PIK3C3: variants seen among roughly 807,000 people sequenced by gnomAD.
PIK3C3 encodes PI3-kinase type 3.
Under a neutral mutation model 126.1 loss-of-function variants are expected in PIK3C3, and 95 were observed. The observed-to-expected ratio is 0.75, with a 90% CI of 0.64 to 0.89. PIK3C3 has a LOEUF of 0.89. PIK3C3 is among the 40% of genes least tolerant of loss of function. The pLI, the probability that PIK3C3 is intolerant of heterozygous loss-of-function variation, is 0.00. For synonymous variants in PIK3C3, 374 were observed against 360.0 expected, an observed-to-expected ratio of 1.04 and a Z score of -0.44; for missense variants, 829 against 1,063.2, an observed-to-expected ratio of 0.78 and a Z score of 3.06.
At chr18:41,957,792 A>T (rs1434886824) in intron 2 of PIK3C3, 34 bp downstream of exon 2, 1 of 1,513,746 alleles carries the variant, frequency 6.6e-7, no homozygotes, top group Non-Finnish European at 9.0e-7. Flanking sequence ...TATGTTACAG[A>T]CTGTTCTTAC....
intron 14 of PIK3C3, among the ~76,000 whole-genome samples, chr18:42,028,287 T>C (rs924603208): frequency 6.6e-6 from 1 of 152,250 alleles, no homozygotes; most frequent in African/African-American, 2.4e-5. Context: ...ATCAAGGCTA[T>C]GTACATTTCC....
intron 16 of PIK3C3, among the ~76,000 whole-genome samples, chr18:42,035,602 A>G (rs973294279): frequency 4.6e-5 from 7 of 152,152 alleles, no homozygotes; most frequent in African/African-American, 1.7e-4. Context: ...TTTAGGAATA[A>G]TGGTTCTGAG....
At chr18:42,067,200 C>T (rs1309893207) in intron 23 of PIK3C3, among the ~76,000 whole-genome samples, 188 bp from the exon 24 acceptor site, 1 of 152,060 alleles carries the variant, frequency 6.6e-6, no homozygotes, top group Non-Finnish European at 1.5e-5. Flanking sequence ...ATATACAGAG[C>T]ATATAACAAA....
intron 13 of PIK3C3, among the ~76,000 whole-genome samples, chr18:42,024,488 T>G (rs968572816): frequency 6.6e-6 from 1 of 151,760 alleles, no homozygotes; most frequent in Non-Finnish European, 1.5e-5. Context: ...CAGGCTGGAG[T>G]GCAATGGTGC....
chr18:42,016,705 GT>G (rs1399816234), intron 12 of PIK3C3, among the ~76,000 whole-genome samples: 1 of 152,110 alleles, frequency 6.6e-6, no homozygotes, highest in Non-Finnish European at 1.5e-5. Context: ...AAGTGTATAT[GT>G]TTGAAGAACA....
chr18:42,022,520 C>T (rs1174574407), intron 13 of PIK3C3, among the ~76,000 whole-genome samples: 1 of 152,130 alleles, frequency 6.6e-6, no homozygotes, highest in African/African-American at 2.4e-5. Flanking sequence ...TTTACATAAA[C>T]AATAAATATT....
intron 4 of PIK3C3, among the ~76,000 whole-genome samples, chr18:41,973,346 C>A (rs897536880): frequency 3.3e-5 from 5 of 151,972 alleles, no homozygotes; most frequent in Non-Finnish European, 7.4e-5. Flanking sequence ...TCCTGAAAAA[C>A]AACTCTTTCC....
In PIK3C3 at chr18:42,027,520, TGAG is replaced by T. The variant is rs1391405524; in HGVS notation, c.1563_1565del (p.Met521_Arg522delinsIle). The stretch of plus-strand genomic sequence containing the variant: ...ACCCATGAGATGTACTTGAACGTAA[TGAG>T]AAGATTCAGCCAAGCATTGTTGAAG... On this transcript the variant is annotated inframe_deletion, in exon 14 of 25. Coordinates refer to ENST00000262039, the MANE Select transcript of PIK3C3 (RefSeq NM_002647.4). 2.5e-6 allele frequency: 4 copies of T among 1,611,152 alleles called. No individual in the cohort carries two copies. Among genetic ancestry groups the T allele is most frequent in the Non-Finnish European group, 3.4e-6 (4 of 1,177,696 alleles).
At chr18:42,034,833 C>G (rs923062158) in intron 16 of PIK3C3, among the ~76,000 whole-genome samples, 3 of 152,162 alleles carry the variant, frequency 2.0e-5, no homozygotes, top group Non-Finnish European at 4.4e-5. Context: ...AGAACAACAA[C>G]TAATGTATAT....
chr18:42,036,520 G>GTC (rs1027345345), intron 16 of PIK3C3, among the ~76,000 whole-genome samples: 9 of 151,018 alleles, frequency 6.0e-5, no homozygotes, highest in Non-Finnish European at 4.4e-5. Context: ...ACTCAATAGG[G>GTC]TCTCTCTCTC....
chr18:42,078,462 C>G (rs574044820), intron 24 of PIK3C3, among the ~76,000 whole-genome samples: 3 of 150,316 alleles, frequency 2.0e-5, no homozygotes, highest in Non-Finnish European at 3.0e-5. Flanking sequence ...GCTACTGTTT[C>G]ATTTGTAGAT....
At chr18:42,051,595 CCAGT>C (rs1201115542) in intron 21 of PIK3C3, among the ~76,000 whole-genome samples, 2 of 152,022 alleles carry the variant, frequency 1.3e-5, no homozygotes, top group Non-Finnish European at 2.9e-5. Context: ...TGTGTCAAAG[CCAGT>C]CAATCTCCTT....
chr18:41,974,656 G>T (rs1980827298), intron 4 of PIK3C3, among the ~76,000 whole-genome samples: 1 of 146,580 alleles, frequency 6.8e-6, no homozygotes, highest in Non-Finnish European at 1.5e-5. Context: ...AATAATAAAA[G>T]ACCAGACTTC....
chr18:42,030,029 A>G (rs1983754891), intron 15 of PIK3C3, among the ~76,000 whole-genome samples: 1 of 152,184 alleles, frequency 6.6e-6, no homozygotes, highest in Non-Finnish European at 1.5e-5. Flanking sequence ...GCTAGTAAAT[A>G]TTGGAGTGGG....
At chr18:41,972,237 T>C (rs1312979970) in intron 4 of PIK3C3, among the ~76,000 whole-genome samples, 1 of 152,090 alleles carries the variant, frequency 6.6e-6, no homozygotes, top group East Asian at 1.9e-4. Flanking sequence ...TTTAGTTATT[T>C]GTGCACATTA....
intron 12 of PIK3C3, among the ~76,000 whole-genome samples, chr18:42,019,238 G>A (rs770407233): frequency 6.6e-5 from 10 of 152,110 alleles, no homozygotes; most frequent in Non-Finnish European, 1.3e-4. Context: ...GTATGTGTTA[G>A]AATTTTCCAT....
intron 3 of PIK3C3, among the ~76,000 whole-genome samples, chr18:41,968,534 A>G (rs917382993): frequency 3.3e-5 from 5 of 152,202 alleles, no homozygotes; most frequent in African/African-American, 9.7e-5. Context: ...AGCTTTTGCA[A>G]ATACAGTTAC....
At chr18:42,013,419 C>T (rs948510921) in intron 10 of PIK3C3, 23 bp from the exon 11 acceptor site, 1 of 1,393,998 alleles carries the variant, frequency 7.2e-7, no homozygotes, top group Non-Finnish European at 9.7e-7. Flanking sequence ...CCTAATATTA[C>T]TTTACTTTTT....
chr18:42,007,127 C>A (rs921296519), intron 10 of PIK3C3, among the ~76,000 whole-genome samples: 1 of 152,110 alleles, frequency 6.6e-6, no homozygotes. Flanking sequence ...ATCGGCCTCC[C>A]GAAGTGCTGG....
Sources: allele counts gnomAD v4.1 joint callset (sites outside exome capture counted in the v4.1 genomes callset), GRCh38; gene constraint gnomAD v4.1.1; transcripts MANE v1.5; gene names NCBI Gene and HGNC (gene_info 2026-07-23, HGNC 2026-07-21).